The following PPFIBP2 variants were observed in gnomAD, a reference collection of about 807,000 sequenced individuals.
PPFIBP2 encodes the protein PPFIB scaffold protein 2.
In PPFIBP2, 118 loss-of-function variants were observed where a neutral mutation model predicts 118.3. The ratio of observed to expected loss-of-function variants is 1.00; its 90% CI spans 0.86 to 1.16. The LOEUF (loss-of-function observed/expected upper bound fraction) is 1.16, where lower values mean the gene tolerates loss of function less well. Among genes scored for constraint, PPFIBP2 ranks in the 50% most tolerant of loss-of-function variants. PPFIBP2 has a pLI of 0.00. For synonymous variants in PPFIBP2, 414 were observed against 397.4 expected, an observed-to-expected ratio of 1.04 and a Z score of -0.50; for missense variants, 1,195 against 1,073.1, an observed-to-expected ratio of 1.11 and a Z score of -1.59.
chr11:7,560,881 TGCAAAAA>T lies in PPFIBP2; in HGVS notation c.65-4671_65-4665del, dbSNP rs577114470. Among the ~76,000 whole-genome samples, 109 of 152,378 alleles carry T rather than the reference TGCAAAAA, an allele frequency of 7.2e-4. No homozygotes were observed. In the East Asian group the frequency reaches 0.018, roughly 25 times the overall value. The stretch of plus-strand genomic sequence containing the variant: ...CATTTTTAAATGTTCTATTTACCAA[TGCAAAAA>T]CATTTTCTTTCCATATTTTTAAATT... On this transcript the variant is annotated intron_variant, in intron 2 of 23. Transcript: ENST00000299492.
At chr11:7,650,001 A>AG (rs959033428) in intron 21 of PPFIBP2, among the ~76,000 whole-genome samples, 4 of 152,164 alleles carry the variant, frequency 2.6e-5, no homozygotes, top group African/African-American at 9.7e-5. Flanking sequence ...GAGACAGAGG[A>AG]GGGGGAAGAG....
chr11:7,596,331 C>G (rs566338111), intron 4 of PPFIBP2, among the ~76,000 whole-genome samples: 3 of 151,874 alleles, frequency 2.0e-5, no homozygotes, highest in Non-Finnish European at 4.4e-5. Flanking sequence ...TTAATAAACA[C>G]CCACCCACAA....
chr11:7,574,088 T>G (rs1388411143), intron 3 of PPFIBP2: 1 of 152,168 alleles, frequency 6.6e-6, no homozygotes, highest in East Asian at 1.9e-4. Context: ...TACAGTGACT[T>G]TCCCCGGCAA....
At chr11:7,596,442 T>C (rs906896383) in intron 4 of PPFIBP2, among the ~76,000 whole-genome samples, 1 of 151,898 alleles carries the variant, frequency 6.6e-6, no homozygotes, top group African/African-American at 2.4e-5. Flanking sequence ...ATGTTAACCA[T>C]GTGTCAACTC....
chr11:7,662,588 C>T, the PPFIBP2 span, among the ~76,000 whole-genome samples: 2 of 150,192 alleles, frequency 1.3e-5, no homozygotes, highest in African/African-American at 4.9e-5. Context: ...ACATTTTTTC[C>T]TTCGTTTCAA....
intron 8 of PPFIBP2, among the ~76,000 whole-genome samples, chr11:7,626,863 G>A (rs536892258): frequency 1.1e-4 from 17 of 152,336 alleles, no homozygotes; most frequent in Non-Finnish European, 1.9e-4. Flanking sequence ...TGGATCCCCA[G>A]CTGGGGTGTG....
chr11:7,645,116 C>T (rs1440729141), intron 17 of PPFIBP2, among the ~76,000 whole-genome samples: 1 of 150,318 alleles, frequency 6.7e-6, no homozygotes, highest in African/African-American at 2.4e-5. Flanking sequence ...GCAACTTTCC[C>T]TTGGTCTATA....
chr11:7,661,032 C>T (rs924468991), downstream of PPFIBP2, among the ~76,000 whole-genome samples: 2 of 151,822 alleles, frequency 1.3e-5, no homozygotes, highest in African/African-American at 4.8e-5. Context: ...TTTGATTCTT[C>T]TCTCTTTTTT....
downstream of PPFIBP2, among the ~76,000 whole-genome samples, chr11:7,654,608 C>G (rs920049461): frequency 2.0e-5 from 3 of 152,244 alleles, no homozygotes; most frequent in African/African-American, 7.2e-5. Context: ...AGCTTGCCAG[C>G]TGGCAATGCT....
At chr11:7,625,960 T>G in intron 8 of PPFIBP2, 69 bp downstream of exon 8, 1 of 1,298,710 alleles carries the variant, frequency 7.7e-7, no homozygotes, top group South Asian at 1.3e-5. Flanking sequence ...AGTGAGCATG[T>G]GTTTCTATAA....
chr11:7,586,073 T>A (rs760175802), intron 3 of PPFIBP2, among the ~76,000 whole-genome samples: 8 of 152,240 alleles, frequency 5.3e-5, no homozygotes, highest in Admixed American at 3.9e-4. Flanking sequence ...TCTTTGGCAA[T>A]GTGGCCCAAA....
intron 5 of PPFIBP2, among the ~76,000 whole-genome samples, chr11:7,599,976 C>A (rs57819348): frequency 6.6e-6 from 1 of 151,914 alleles, no homozygotes; most frequent in Non-Finnish European, 1.5e-5. Context: ...TTATTCTAAA[C>A]CCTCTTTCCT....
At chr11:7,663,439 T>A in the PPFIBP2 span, among the ~76,000 whole-genome samples, 1 of 151,778 alleles carries the variant, frequency 6.6e-6, no homozygotes, top group African/African-American at 2.4e-5. Flanking sequence ...TGCTGGGGGG[T>A]GCCTCCCAGT....
At chr11:7,556,806 G>A (rs1853689173) in intron 2 of PPFIBP2, among the ~76,000 whole-genome samples, 1 of 152,092 alleles carries the variant, frequency 6.6e-6, no homozygotes. Context: ...GTGGTCACAG[G>A]GATTTATTGC....
At chr11:7,564,841 C>T (rs774881432) in intron 2 of PPFIBP2, among the ~76,000 whole-genome samples, 2 of 152,144 alleles carry the variant, frequency 1.3e-5, no homozygotes, top group Non-Finnish European at 2.9e-5. Context: ...CCTGTTAGAC[C>T]TCTTAAGGCC....
intron 17 of PPFIBP2, among the ~76,000 whole-genome samples, chr11:7,647,064 G>A (rs1036326313): frequency 2.0e-5 from 3 of 152,126 alleles, no homozygotes; most frequent in Non-Finnish European, 4.4e-5. Context: ...CTGCCCCAGG[G>A]TATACATTAT....
Position 7,605,820 on chromosome 11 carries a change from G to T in PPFIBP2, c.487-4471G>T, listed in dbSNP as rs577914218. On this transcript the variant is annotated intron_variant, in intron 5 of 23. Coordinates refer to ENST00000299492, the MANE Select transcript of PPFIBP2 (RefSeq NM_003621.5). The stretch of plus-strand genomic sequence containing the variant: ...CAGAGGAGAGAATTTCAGAGCTGAA[G>T]ATTTTAGAAGCAAAGCAAACACATT... 72 of 1,371,556 alleles carry T rather than the reference G, an allele frequency of 5.2e-5. No homozygotes were observed. In the African/African-American group the frequency reaches 8.6e-4, roughly 16 times the overall value. The allele number at this position is 1,371,556 out of a possible 1,614,324, so 85.0% of individuals were successfully genotyped here. A position where few individuals can be genotyped will look rare whatever the true frequency, so the allele number is the denominator to read the frequency against.
At chr11:7,614,584 T>C (rs182252133) in intron 6 of PPFIBP2, among the ~76,000 whole-genome samples, 1 of 152,336 alleles carries the variant, frequency 6.6e-6, no homozygotes, top group Admixed American at 6.5e-5. Flanking sequence ...GTGAATAATC[T>C]TGTATATATG....
intron 3 of PPFIBP2, among the ~76,000 whole-genome samples, chr11:7,588,707 A>G (rs758282851): frequency 4.1e-4 from 62 of 152,352 alleles, no homozygotes; most frequent in Non-Finnish European, 6.8e-4. Flanking sequence ...TTAGAGGATG[A>G]ATTCCTTGTG....
Sources: gnomAD v4.1 joint callset for allele counts (sites outside exome capture counted in the v4.1 genomes callset) on GRCh38, gnomAD v4.1.1 for gene constraint, MANE v1.5 for transcripts, NCBI Gene and HGNC (gene_info 2026-07-23, HGNC 2026-07-21) for gene names.